FAM163A: variants seen among roughly 807,000 people sequenced by gnomAD.
FAM163A encodes protein FAM163A.
A neutral mutation model predicts 12.0 loss-of-function variants in FAM163A; 7 were observed. The ratio of observed to expected loss-of-function variants is 0.58; its 90% CI spans 0.33 to 1.10. The LOEUF (loss-of-function observed/expected upper bound fraction) is 1.10. Among genes scored for constraint, FAM163A ranks in the 50% least tolerant of loss-of-function variants. The probability of loss-of-function intolerance (pLI) is 0.03; values close to 1 mark genes in which losing one functional copy is unlikely to be tolerated. For synonymous variants in FAM163A, 101 were observed against 91.0 expected, an observed-to-expected ratio of 1.11 and a Z score of -0.62; for missense variants, 202 against 218.6, an observed-to-expected ratio of 0.92 and a Z score of 0.48.
At chr1:179,809,770 C>A (rs911606844) in intron 2 of FAM163A, among the ~76,000 whole-genome samples, 1 of 152,196 alleles carries the variant, frequency 6.6e-6, no homozygotes, top group East Asian at 1.9e-4. Flanking sequence ...CTAGACCTCT[C>A]TGTCCATAAG....
chr1:179,771,484 G>A lies in FAM163A; in HGVS notation c.-136+28061G>A, dbSNP rs560331437. Among the ~76,000 whole-genome samples, 7 of 152,228 alleles carry A rather than the reference G, an allele frequency of 4.6e-5. No homozygotes were observed. The East Asian group carries it at 9.7e-4, about 21-fold the overall frequency. On this transcript the variant is annotated intron_variant, in intron 1 of 4. Transcript: ENST00000341785. ...TCTGAAGTGCCTCTCTGGCCTGTGC[G>A]TCTACCTCACCCTCTCTTTCCTCAT...
chr1:179,784,019 A>T (rs540185906), intron 1 of FAM163A, among the ~76,000 whole-genome samples: 2 of 152,108 alleles, frequency 1.3e-5, no homozygotes, highest in Admixed American at 1.3e-4. Flanking sequence ...CCCAAGGGAG[A>T]GAGATACAGG....
intron 1 of FAM163A, among the ~76,000 whole-genome samples, chr1:179,796,741 G>C (rs1162287357): frequency 6.6e-6 from 1 of 152,242 alleles, no homozygotes; most frequent in Non-Finnish European, 1.5e-5. Context: ...CCCACAAGAT[G>C]AGCTGGTGGA....
intron 1 of FAM163A, among the ~76,000 whole-genome samples, chr1:179,747,167 GAA>G (rs56223950): frequency 1.8e-3 from 41 of 22,646 alleles, no homozygotes; most frequent in Non-Finnish European, 3.0e-3. Flanking sequence ...GAGATGCTTG[GAA>G]AAAAAAAAAA....
At position 179,744,869 on chromosome 1, in the gene FAM163A, G is replaced by A. The variant is rs192905009; in HGVS notation, c.-136+1446G>A. ...CTGAGCCAGACACATGTTTTATGTC[G>A]TGTGGGAGACAAACAATAACTGCGG... On this transcript the variant is annotated intron_variant, in intron 1 of 4. Coordinates refer to ENST00000341785, the MANE Select transcript of FAM163A (RefSeq NM_173509.3). 3.4e-3 allele frequency among the ~76,000 whole-genome samples: 512 copies of A among 152,322 alleles called. 3 individuals are homozygous for A. The highest frequency in any genetic ancestry group is 6.7e-3 in the Admixed American group (103 of 15,308).
intron 1 of FAM163A, among the ~76,000 whole-genome samples, chr1:179,768,731 A>T (rs1309166460): frequency 3.3e-5 from 5 of 151,752 alleles, no homozygotes; most frequent in African/African-American, 4.8e-5. Context: ...TCAGCCTCCC[A>T]AGTAGCTGGG....
chr1:179,812,395 C>T lies in FAM163A; in HGVS notation c.-23+264C>T, dbSNP rs143425129. Among the ~76,000 whole-genome samples, 930 of 152,266 alleles carry T rather than the reference C, an allele frequency of 6.1e-3. 9 individuals carry two copies. Among genetic ancestry groups the T allele is most frequent in the South Asian group, 0.011 (53 of 4,820 alleles). ...TGCCACACACCACTCCCTCTGGGCT[C>T]GCCTTGCCTTTGTTTTCCAGGAGGG... On this transcript the variant is annotated intron_variant, in intron 3 of 4. Coordinates refer to ENST00000341785, the MANE Select transcript of FAM163A (RefSeq NM_173509.3).
intron 1 of FAM163A, among the ~76,000 whole-genome samples, chr1:179,759,257 G>A: frequency 6.6e-6 from 1 of 152,138 alleles, no homozygotes; most frequent in East Asian, 1.9e-4. Context: ...TTCAGACATT[G>A]CCAATTGTGC....
At chr1:179,756,212 G>A (rs1418930177) in intron 1 of FAM163A, among the ~76,000 whole-genome samples, 2 of 152,334 alleles carry the variant, frequency 1.3e-5, no homozygotes, top group African/African-American at 4.8e-5. Context: ...TTAAGGGTTA[G>A]GGTTGAGTAC....
chr1:179,771,038 A>G (rs1688202981), intron 1 of FAM163A, among the ~76,000 whole-genome samples: 1 of 152,070 alleles, frequency 6.6e-6, no homozygotes, highest in Admixed American at 6.5e-5. Flanking sequence ...TGCAGAATCT[A>G]TCCTGCTGCC....
chr1:179,784,534 A>T (rs556765755), intron 1 of FAM163A, among the ~76,000 whole-genome samples: 11 of 152,264 alleles, frequency 7.2e-5, no homozygotes, highest in South Asian at 4.1e-4. Flanking sequence ...CTCCAGTGTA[A>T]CCTTCAATAG....
chr1:179,797,471 A>G (rs1571532771), intron 1 of FAM163A, among the ~76,000 whole-genome samples: 1 of 152,020 alleles, frequency 6.6e-6, no homozygotes, highest in Non-Finnish European at 1.5e-5. Flanking sequence ...GGGAAATAAG[A>G]CTTGTCAAGA....
chr1:179,757,466 C>A (rs1012171033), intron 1 of FAM163A, among the ~76,000 whole-genome samples: 5 of 152,134 alleles, frequency 3.3e-5, no homozygotes, highest in Admixed American at 6.5e-5. Flanking sequence ...AAATCATTTA[C>A]CCCTGATGGC....
intron 1 of FAM163A, among the ~76,000 whole-genome samples, chr1:179,790,487 A>G (rs1016156969): frequency 2.6e-5 from 4 of 152,100 alleles, no homozygotes; most frequent in African/African-American, 9.7e-5. Context: ...TTAACCCAGC[A>G]CTGAGCAGCC....
Position 179,743,304 on chromosome 1 carries a change from C to T in FAM163A, c.-255C>T, listed in dbSNP as rs114023504. On this transcript the variant is annotated 5_prime_UTR_variant, in exon 1 of 5. Transcript: ENST00000341785. ...CCGGAGCAGGGCAGTCCTCGGAGCG[C>T]CGGGGAGGCCGCGGAGCCTCACGTG... 0.067 allele frequency: 10,270 copies of T among 152,254 alleles called. 462 individuals are homozygous for T. The highest frequency in any genetic ancestry group is 0.13 in the African/African-American group (5,287 of 41,536). The allele number at this position is 152,254 out of a possible 1,614,324, so 9.4% of individuals were successfully genotyped here.
chr1:179,753,703 G>C (rs190657172), intron 1 of FAM163A, among the ~76,000 whole-genome samples: 1 of 152,192 alleles, frequency 6.6e-6, no homozygotes, highest in African/African-American at 2.4e-5. Flanking sequence ...CTGATGAAAA[G>C]AAGGAAGTTG....
upstream of FAM163A, among the ~76,000 whole-genome samples, chr1:179,738,586 A>G (rs1683266595): frequency 6.6e-6 from 1 of 152,222 alleles, no homozygotes; most frequent in African/African-American, 2.4e-5. Flanking sequence ...GCAATCCACC[A>G]TATTAAAAGG....
At position 179,814,210 on chromosome 1, in the gene FAM163A, A is replaced by C; in HGVS notation, c.*21A>C. The C allele has an allele frequency of 6.4e-7, 1 of 1,573,212 alleles. No homozygotes were observed. The highest frequency in any genetic ancestry group is 8.6e-7 in the Non-Finnish European group (1 of 1,156,532). On this transcript the variant is annotated 3_prime_UTR_variant, in exon 5 of 5. Transcript: ENST00000341785. Reference sequence around the variant, plus strand: ...TGTAAATCCTTCCACCCCGACCCGCACACACACCCACACTGCTGCCCTGGC... The same window carrying C: ...TGTAAATCCTTCCACCCCGACCCGCCCACACACCCACACTGCTGCCCTGGC...
chr1:179,739,045 G>A (rs1412841107), upstream of FAM163A, among the ~76,000 whole-genome samples: 1 of 152,044 alleles, frequency 6.6e-6, no homozygotes, highest in East Asian at 1.9e-4. Flanking sequence ...TCTTGACAAA[G>A]GTGCAAAAGC....
Sources: allele counts gnomAD v4.1 joint callset (sites outside exome capture counted in the v4.1 genomes callset), GRCh38; gene constraint gnomAD v4.1.1; transcripts MANE v1.5; gene names NCBI Gene and HGNC (gene_info 2026-07-23, HGNC 2026-07-21).